The following CHD1 variants were observed in gnomAD, a reference collection of about 807,000 sequenced individuals.
The protein encoded by CHD1 is chromodomain helicase DNA binding protein 1, also known as ATP-dependent chromatin remodeler CHD1.
CHD1 carries 36 observed loss-of-function variants against 224.2 expected under a neutral mutation model. The observed-to-expected ratio is 0.16, with a 90% CI of 0.12 to 0.21. The LOEUF is 0.21. CHD1 is among the 10% of genes least tolerant of loss of function. The pLI is 1.00. For synonymous variants in CHD1, 668 were observed against 658.3 expected (o/e 1.01, Z -0.23); for missense variants, 1,378 against 1,994.8 (o/e 0.69, Z 5.89).
chr5:98,896,263 G>A lies in CHD1; in HGVS notation c.1673C>T (p.Ala558Val), dbSNP rs150000010. The change falls in exon 12 of 36, where the codon GCT (alanine) becomes GTT (valine). Residue 558 changes from alanine (A) to valine (V), a missense_variant. Ala to Val is a moderately conservative substitution (Grantham distance 64, BLOSUM62 0). This residue lies in a region of CHD1 where 49 missense variants were observed against 135.7 expected (regional missense o/e 0.36). Transcript: ENST00000614616. ...GTTAATGTCACCTAAATAAACCACA[G>A]CATTCATTTGAGAAGCCCAAGTCTG... ...EIQTWASQMN[A>V]VVYLGDINSR... The A allele has an allele frequency of 6.2e-7, 1 of 1,613,876 alleles. No individual in the cohort carries two copies. Among genetic ancestry groups the A allele is most frequent in the Non-Finnish European group, 8.5e-7 (1 of 1,179,900 alleles).
chr5:98,868,727 T>C, intron 30 of CHD1, 92 bp from the exon 31 acceptor site: 2 of 1,226,948 alleles, frequency 1.6e-6, no homozygotes, highest in Middle Eastern at 2.0e-4. Flanking sequence ...TACTGTCTCA[T>C]TTTATTCTAC....
intron 2 of CHD1, among the ~76,000 whole-genome samples, chr5:98,911,158 T>A (rs1346453613): frequency 1.2e-4 from 15 of 127,438 alleles, no homozygotes; most frequent in African/African-American, 2.5e-4. Flanking sequence ...TATATATATA[T>A]ATATATATAT....
At chr5:98,909,255 C>T (rs1752238631) in intron 2 of CHD1, among the ~76,000 whole-genome samples, 1 of 152,090 alleles carries the variant, frequency 6.6e-6, no homozygotes, top group African/African-American at 2.4e-5. Context: ...TTGCTAAGCG[C>T]ACCCTTGTGT....
chr5:98,865,672 A>G (rs1045224911), intron 31 of CHD1, among the ~76,000 whole-genome samples: 1 of 152,202 alleles, frequency 6.6e-6, no homozygotes, highest in Non-Finnish European at 1.5e-5. Context: ...TGAAGCAAAT[A>G]TGTTTAGAGA....
intron 35 of CHD1, among the ~76,000 whole-genome samples, chr5:98,857,468 G>C (rs1042582474): frequency 1.3e-5 from 2 of 151,956 alleles, no homozygotes; most frequent in African/African-American, 4.8e-5. Context: ...TGCTGACAGA[G>C]GTTCTCAAAG....
intron 2 of CHD1, among the ~76,000 whole-genome samples, chr5:98,918,753 C>CAA (rs35829200): frequency 1.7e-4 from 11 of 64,514 alleles, no homozygotes; most frequent in Non-Finnish European, 3.3e-4. Context: ...CAAGACTCTT[C>CAA]AAAAAAAAAA....
chr5:98,923,708 C>T (rs1285894157), intron 2 of CHD1, among the ~76,000 whole-genome samples: 2 of 152,110 alleles, frequency 1.3e-5, no homozygotes, highest in East Asian at 1.9e-4. Flanking sequence ...CCACCGCACC[C>T]GGCCACAAGG....
At chr5:98,920,925 G>A (rs1313882493) in intron 2 of CHD1, among the ~76,000 whole-genome samples, 4 of 151,910 alleles carry the variant, frequency 2.6e-5, no homozygotes, top group African/African-American at 9.7e-5. Flanking sequence ...GATGAAAGGA[G>A]ACTGGGGAGA....
intron 15 of CHD1, among the ~76,000 whole-genome samples, chr5:98,891,567 T>C (rs1375661237): frequency 6.6e-6 from 1 of 151,932 alleles, no homozygotes; most frequent in Non-Finnish European, 1.5e-5. Flanking sequence ...TCCCAGCACT[T>C]TGGAAGGCTG....
chr5:98,922,738 CA>C, intron 2 of CHD1, among the ~76,000 whole-genome samples: 1 of 152,282 alleles, frequency 6.6e-6, no homozygotes, highest in East Asian at 1.9e-4. Context: ...CTGTAATCCC[CA>C]GTGCTTTGGG....
chr5:98,897,265 C>G lies in CHD1; in HGVS notation c.1421G>C (p.Gly474Ala), dbSNP rs1751404394. The G allele has an allele frequency of 3.7e-6, 6 of 1,611,810 alleles. No homozygotes were observed. The highest frequency in any genetic ancestry group is 4.2e-6 in the Non-Finnish European group (5 of 1,178,356). ...TCTTAATTCTAAGCCCTCATGTCCT[C>G]CAATATAGGATGGCTGCTTCTTCAG... ...VALKKQPSYI[G>A]GHEGLELRDY... is the part of the protein sequence containing the mutation. The change falls in exon 11 of 36, where the codon GGA (glycine) becomes GCA (alanine). Residue 474 changes from glycine (G) to alanine (A), a missense_variant. Physicochemically the swap from Gly to Ala is moderately conservative, Grantham distance 60 (BLOSUM62 0). Coordinates refer to ENST00000614616, the MANE Select transcript of CHD1 (RefSeq NM_001270.4).
chr5:98,870,724 C>A lies in CHD1; in HGVS notation c.3941G>T (p.Ser1314Ile), dbSNP rs185870058. 5.0e-6 allele frequency: 8 copies of A among 1,610,880 alleles called. No individual in the cohort carries two copies. The Admixed American group carries it at 1.0e-4, about 20-fold the overall frequency. ...AGCTTCTTTTTTTGCAAGATCTCTA[C>A]TAAGTAATTTGATGAGGTAGTCTGC... ...TRADYLIKLL[S>I]RDLAKKEALS... The change falls in exon 29 of 36, where the codon AGT (serine) becomes ATT (isoleucine). Residue 1314 changes from serine to isoleucine, a missense_variant. Ser to Ile is a moderately radical substitution (Grantham distance 142, BLOSUM62 -2). Around this residue, in one of 16 missense-constraint regions of CHD1, gnomAD observed 286 missense variants for 445.1 expected, o/e 0.64. Transcript: ENST00000614616.
At chr5:98,879,360 G>C (rs372141727) in intron 23 of CHD1, among the ~76,000 whole-genome samples, 192 bp downstream of exon 23, 13 of 152,176 alleles carry the variant, frequency 8.5e-5, no homozygotes, top group African/African-American at 2.9e-4. Context: ...ATGAAACCAG[G>C]AGCAGGTTCT....
chr5:98,911,130 GAAAAAAA>G (rs11451331), intron 2 of CHD1, among the ~76,000 whole-genome samples: 10 of 44,032 alleles, frequency 2.3e-4, no homozygotes, highest in South Asian at 1.8e-3. Flanking sequence ...GTGCTAAAAT[GAAAAAAA>G]AAAAAAAAAA....
chr5:98,927,737 TC>T (rs542404797), intron 1 of CHD1, among the ~76,000 whole-genome samples: 1 of 152,182 alleles, frequency 6.6e-6, no homozygotes, highest in South Asian at 2.1e-4. Flanking sequence ...AAAAGTTCAC[TC>T]CCCTTTTCGT....
At chr5:98,926,785 G>A (rs1753486063) in intron 1 of CHD1, among the ~76,000 whole-genome samples, 1 of 151,924 alleles carries the variant, frequency 6.6e-6, no homozygotes, top group African/African-American at 2.4e-5. Context: ...GGAGTGAAAG[G>A]ATTTTTAGAG....
chr5:98,895,115 C>G (rs1751260469), intron 12 of CHD1, among the ~76,000 whole-genome samples: 1 of 152,138 alleles, frequency 6.6e-6, no homozygotes, highest in Non-Finnish European at 1.5e-5. Context: ...GCCGGCATGC[C>G]CGGCCAGAGT....
rs747380543 is a variant in CHD1 at position 98,876,433 on chromosome 5, C to A, written c.3363G>T (p.Glu1121Asp). 6.2e-7 allele frequency: 1 copy of A among 1,613,994 alleles called. No individual in the cohort carries two copies. The highest frequency in any genetic ancestry group is 8.5e-7 in the Non-Finnish European group (1 of 1,179,904). The stretch of plus-strand genomic sequence containing the variant: ...CTGCATCACTAAATCCTTTAATATT[C>A]TCCCGAGGAATAGTCCGTGGTCTTC... ...KRGRPRTIPR[E>D]NIKGFSDAEI... The change falls in exon 24 of 36, where the codon GAG becomes GAT. Residue 1121 changes from glutamate (E) to aspartate (D), a missense_variant. Physicochemically the swap from Glu to Asp is conservative, Grantham distance 45. This residue lies in a region of CHD1 where 286 missense variants were observed against 445.1 expected (regional missense o/e 0.64). Transcript: ENST00000614616.
At chr5:98,889,339 A>T in intron 15 of CHD1, 101 bp from the exon 16 acceptor site, 1 of 781,360 alleles carries the variant, frequency 1.3e-6, no homozygotes, top group Non-Finnish European at 2.0e-6. Flanking sequence ...ATAGTACCAA[A>T]GTAAAACTGT....
Sources: allele counts gnomAD v4.1 joint callset (sites outside exome capture counted in the v4.1 genomes callset), GRCh38; gene constraint gnomAD v4.1.1; regional missense constraint gnomAD v4.1.1; transcripts MANE v1.5; gene names NCBI Gene and HGNC (gene_info 2026-07-23, HGNC 2026-07-21).